Variants in FXR2 observed in about 807,000 individuals in gnomAD.
FXR2 encodes FMR1 autosomal homolog 2.
In FXR2, 9 loss-of-function variants were observed where a neutral mutation model predicts 87.3. The observed-to-expected ratio is 0.10, with a 90% CI of 0.06 to 0.18. The LOEUF is 0.18. Among genes scored for constraint, FXR2 ranks in the 10% least tolerant of loss-of-function variants. The probability of loss-of-function intolerance (pLI) is 1.00; values close to 1 mark genes in which losing one functional copy is unlikely to be tolerated. For missense variants in FXR2, 661 were observed against 893.6 expected, an observed-to-expected ratio of 0.74 and a Z score of 3.32; for synonymous variants, 331 against 328.3, an observed-to-expected ratio of 1.01 and a Z score of -0.09.
At chr17:7,599,417 C>G (rs2071734991) in intron 7 of FXR2, among the ~76,000 whole-genome samples, 2 of 152,170 alleles carry the variant, frequency 1.3e-5, no homozygotes, top group Non-Finnish European at 2.9e-5. Context: ...TATCATGACC[C>G]AGAAATTGCA....
Position 7,592,291 on chromosome 17 carries a change from C to A in FXR2, c.1889G>T (p.Arg630Leu), listed in dbSNP as rs200346115. The change falls in exon 16 of 17, where the codon CGC becomes CTC. Residue 630 changes from arginine (R) to leucine (L), a missense_variant. By Grantham distance (102) the Arg-to-Leu change is moderately radical. Around this residue, in one of 3 missense-constraint regions of FXR2, gnomAD observed 409 missense variants for 432.0 expected, o/e 0.95. Transcript: ENST00000250113. This position sits in a 1 kb window ranked among gnomAD's most constrained non-coding sequence, Gnocchi z 4.8. ...AAGAGAGTCTTCTGAGGGTTTAGTG[C>A]GTTCCAGGGGTGGCCTCTGGCGGCT... ...SQSRQRPPLE[R>L]TKPSEDSLSG... 1.9e-6 allele frequency: 3 copies of A among 1,612,614 alleles called. No individual in the cohort carries two copies. The highest frequency in any genetic ancestry group is 3.3e-4 in the Middle Eastern group (2 of 6,082).
In FXR2 at chr17:7,593,309, C is replaced by T. The variant is rs991419231; in HGVS notation, c.1330+94G>A. On this transcript the variant is annotated intron_variant, in intron 12 of 16. Transcript: ENST00000250113. The surrounding 1 kb of genome is among the most constrained non-coding windows in gnomAD (Gnocchi z 6.1). Reference sequence around the variant, plus strand: ...AGCCAATCAATCACTTTTTCATCATCTCCATTCCAGATTTCCCCAAACTTC... The same window carrying T: ...AGCCAATCAATCACTTTTTCATCATTTCCATTCCAGATTTCCCCAAACTTC... 1.4e-5 allele frequency: 17 copies of T among 1,232,742 alleles called. No individual in the cohort carries two copies. Among genetic ancestry groups the T allele is most frequent in the Non-Finnish European group, 1.7e-5 (15 of 889,984 alleles). 76.4% of individuals were successfully genotyped at this position (1,232,742 alleles called of 1,614,324 possible). A position where few individuals can be genotyped will look rare whatever the true frequency, so the allele number is the denominator to read the frequency against.
chr17:7,604,061 T>G lies in FXR2; in HGVS notation c.248A>C (p.Glu83Ala), dbSNP rs1393967593. 6.3e-6 allele frequency: 10 copies of G among 1,579,990 alleles called. No individual in the cohort carries two copies. Among genetic ancestry groups the G allele is most frequent in the Admixed American group, 5.5e-5 (3 of 54,480 alleles). ...DEVEVYSRAN[E>A]QEPCGWWLAR... Reference sequence around the variant, plus strand: ...CAGCCACCAGCCACAAGGTTCCTGTTCATTGGCTCGAGAATAAACCTAAAG... The same window carrying G: ...CAGCCACCAGCCACAAGGTTCCTGTGCATTGGCTCGAGAATAAACCTAAAG... The change falls in exon 4 of 17, where the codon GAA (glutamate) becomes GCA (alanine). Residue 83 changes from glutamate (E) to alanine (A), a missense_variant. Transcript: ENST00000250113.
chr17:7,594,384 T>G lies in FXR2; in HGVS notation c.911-37A>C. ...AAATGAGGAATTCAGCCTTTTATTT[T>G]TTTTAAGGAAATAAGAATAAAGCTG... On this transcript the variant is annotated intron_variant, in intron 9 of 16. Transcript: ENST00000250113. The surrounding 1 kb of genome is among the most constrained non-coding windows in gnomAD (Gnocchi z 5.1). 1 of 1,324,828 alleles carries G rather than the reference T, an allele frequency of 7.5e-7. No homozygotes were observed. Among genetic ancestry groups the G allele is most frequent in the Non-Finnish European group, 1.1e-6 (1 of 922,030 alleles). 82.1% of individuals were successfully genotyped at this position (1,324,828 alleles called of 1,614,324 possible).
At chr17:7,598,087 T>C (rs370811290) in intron 7 of FXR2, among the ~76,000 whole-genome samples, 90 of 152,138 alleles carry the variant, frequency 5.9e-4, no homozygotes, top group African/African-American at 8.2e-4. Flanking sequence ...TCACCTGGAC[T>C]ACTGTGCTCT....
intron 1 of FXR2, among the ~76,000 whole-genome samples, chr17:7,609,961 T>TAC (rs761974498): frequency 5.5e-5 from 6 of 109,464 alleles, no homozygotes; most frequent in Non-Finnish European, 9.2e-5. Flanking sequence ...TATACATATA[T>TAC]ATACATGTAT....
chr17:7,608,123 A>T (rs2071818706), intron 1 of FXR2, among the ~76,000 whole-genome samples: 2 of 151,622 alleles, frequency 1.3e-5, no homozygotes, highest in Non-Finnish European at 2.9e-5. Flanking sequence ...TTTTTAAATT[A>T]AAATTTTTTT....
chr17:7,604,921 T>C (rs58614441), intron 3 of FXR2, among the ~76,000 whole-genome samples: 43,498 of 150,794 alleles, frequency 0.29, 6,513 homozygotes, highest in South Asian at 0.39. Context: ...TGGGGTTTCA[T>C]CATGTTGGCC....
Position 7,595,742 on chromosome 17 carries a change from C to G in FXR2, c.831+82G>C. 1.8e-6 allele frequency: 2 copies of G among 1,136,622 alleles called. No individual in the cohort carries two copies. Among genetic ancestry groups the G allele is most frequent in the Non-Finnish European group, 2.6e-6 (2 of 777,392 alleles). 70.4% of individuals were successfully genotyped at this position (1,136,622 alleles called of 1,614,324 possible). A position where few individuals can be genotyped will look rare whatever the true frequency, so the allele number is the denominator to read the frequency against. ...GGATTACAGGTGTGAGCCACTGTGC[C>G]CAGTTTGAGGCTTATTTTCTACTTC... is the stretch of plus-strand genomic sequence containing the variant. On this transcript the variant is annotated intron_variant, in intron 8 of 16. Transcript: ENST00000250113. The surrounding 1 kb of genome is among the most constrained non-coding windows in gnomAD (Gnocchi z 4.7).
chr17:7,610,981 T>A (rs768521118), intron 1 of FXR2, among the ~76,000 whole-genome samples: 3 of 151,656 alleles, frequency 2.0e-5, no homozygotes, highest in Admixed American at 1.3e-4. Context: ...AAGGAGGGGG[T>A]TCTAGGAGAA....
rs992461570 is a variant in FXR2 at position 7,614,594 on chromosome 17, G to A, written c.-62C>T. On this transcript the variant is annotated 5_prime_UTR_variant, in exon 1 of 17. Coordinates refer to ENST00000250113, the MANE Select transcript of FXR2 (RefSeq NM_004860.4). The stretch of plus-strand genomic sequence containing the variant: ...TGCAGCAGCAGTCTGAGTGCGGGCC[G>A]GGCCAGGCCCCCGGCGTCTCCCCGG... The A allele has an allele frequency of 5.5e-5, 59 of 1,063,084 alleles. No individual in the cohort carries two copies. Among genetic ancestry groups the A allele is most frequent in the Non-Finnish European group, 6.8e-5 (55 of 809,422 alleles). 65.9% of individuals were successfully genotyped at this position (1,063,084 alleles called of 1,614,324 possible). A position where few individuals can be genotyped will look rare whatever the true frequency, so the allele number is the denominator to read the frequency against.
intron 6 of FXR2, 71 bp downstream of exon 6, chr17:7,602,838 A>G (rs1282568856): frequency 1.3e-6 from 1 of 759,456 alleles, no homozygotes; most frequent in Non-Finnish European, 2.3e-6. Flanking sequence ...CTCTTTCTGC[A>G]AAAGGGTTAA....
intron 1 of FXR2, among the ~76,000 whole-genome samples, chr17:7,613,596 T>G (rs948432117): frequency 8.5e-5 from 13 of 152,180 alleles, no homozygotes; most frequent in African/African-American, 2.7e-4. Context: ...GCCAAGAGTC[T>G]TCAAGAAGTG....
chr17:7,598,948 C>G (rs1804632212), intron 7 of FXR2, among the ~76,000 whole-genome samples: 1 of 152,134 alleles, frequency 6.6e-6, no homozygotes, highest in African/African-American at 2.4e-5. Context: ...GAGTTCAAAA[C>G]CAGCCTGGGC....
At chr17:7,596,825 G>A (rs905879823) in intron 7 of FXR2, among the ~76,000 whole-genome samples, 12 of 152,116 alleles carry the variant, frequency 7.9e-5, no homozygotes, top group Non-Finnish European at 1.2e-4. Context: ...GGGGTAGGCT[G>A]TGCGCGGTGG....
Position 7,593,209 on chromosome 17 carries a change from G to A in FXR2, c.1331-28C>T, listed in dbSNP as rs377202390. The A allele has an allele frequency of 8.8e-6, 13 of 1,476,136 alleles. No individual in the cohort carries two copies. Among genetic ancestry groups the A allele is most frequent in the South Asian group, 2.8e-5 (2 of 72,168 alleles). 91.4% of individuals were successfully genotyped at this position (1,476,136 alleles called of 1,614,324 possible). ...GAAGAACACAATGGGATTTATTCAC[G>A]GCCATTCATCCCACCTCAGGATCCA... On this transcript the variant is annotated intron_variant, in intron 12 of 16. Transcript: ENST00000250113. This position sits in a 1 kb window ranked among gnomAD's most constrained non-coding sequence, Gnocchi z 6.1.
In FXR2 at chr17:7,614,617, C is replaced by T; in HGVS notation, c.-85G>A. On this transcript the variant is annotated 5_prime_UTR_variant, in exon 1 of 17. Transcript: ENST00000250113. ...CCGGGCCAGGCCCCCGGCGTCTCCC[C>T]GGAGGAGGAGCCGGAGGGGGAGCCG... 1 of 829,742 alleles carries T rather than the reference C, an allele frequency of 1.2e-6. No individual in the cohort carries two copies. Among genetic ancestry groups the T allele is most frequent in the African/African-American group, 1.8e-5 (1 of 56,168 alleles). 51.4% of individuals were successfully genotyped at this position (829,742 alleles called of 1,614,324 possible). A position where few individuals can be genotyped will look rare whatever the true frequency, so the allele number is the denominator to read the frequency against.
rs2071692062 is a variant in FXR2, at chr17:7,594,513, C to T, written c.910+166G>A. The T allele has an allele frequency of 1.5e-6, 1 of 673,194 alleles. No homozygotes were observed. The highest frequency in any genetic ancestry group is 1.8e-5 in the African/African-American group (1 of 55,142). The allele number at this position is 673,194 out of a possible 1,614,324, so 41.7% of individuals were successfully genotyped here. On this transcript the variant is annotated intron_variant, in intron 9 of 16. Transcript: ENST00000250113. This position sits in a 1 kb window ranked among gnomAD's most constrained non-coding sequence, Gnocchi z 5.1. ...TTTTACAGGACAAAATGTTACAATCCCTAGAAATTTATTCTTTCATTTTTA... is the reference window on the plus strand; with the variant it reads ...TTTTACAGGACAAAATGTTACAATCTCTAGAAATTTATTCTTTCATTTTTA...
chr17:7,608,514 T>A (rs1240959885), intron 1 of FXR2, among the ~76,000 whole-genome samples: 1 of 150,286 alleles, frequency 6.7e-6, no homozygotes, highest in East Asian at 1.9e-4. Flanking sequence ...TTATTCAGGG[T>A]GGCTGAGGCA....
Sources: gnomAD v4.1 joint callset for allele counts (sites outside exome capture counted in the v4.1 genomes callset) on GRCh38, gnomAD v4.1.1 for gene constraint, gnomAD v4.1.1 regional missense constraint, Gnocchi (gnomAD v3.1) non-coding constraint, MANE v1.5 for transcripts, NCBI Gene and HGNC (gene_info 2026-07-23, HGNC 2026-07-21) for gene names.